Variants in ATP13A4 observed in about 807,000 individuals in gnomAD.
The protein encoded by ATP13A4 is ATPase 13A4.
In ATP13A4, 114 loss-of-function variants were observed where a neutral mutation model predicts 142.5. The observed-to-expected ratio is 0.80, with a 90% CI of 0.69 to 0.93. The LOEUF (loss-of-function observed/expected upper bound fraction) is 0.93. Ranked by LOEUF, ATP13A4 falls within the 40% of genes least tolerant of loss-of-function variation. ATP13A4 has a pLI of 0.00. For missense variants in ATP13A4, 1,392 were observed against 1,454.0 expected (o/e 0.96, Z 0.69); for synonymous variants, 488 against 514.8 (o/e 0.95, Z 0.70).
At chr3:193,412,548 CA>C (rs1244511317) in intron 26 of ATP13A4, among the ~76,000 whole-genome samples, 177 bp from the exon 27 acceptor site, 1 of 144,648 alleles carries the variant, frequency 6.9e-6, no homozygotes, top group Non-Finnish European at 1.5e-5. Flanking sequence ...CACACACACA[CA>C]CACACTGAAA....
At position 193,457,474 on chromosome 3, in the gene ATP13A4, C is replaced by A; in HGVS notation, c.1675-9G>T. Reference sequence around the variant, plus strand: ...CCAGAAAAAGCCATTTCCTATTTCACAAATAGGATATTTCATTGCAGAGAT... The same window carrying A: ...CCAGAAAAAGCCATTTCCTATTTCAAAAATAGGATATTTCATTGCAGAGAT... On this transcript the variant is annotated splice_polypyrimidine_tract_variant and intron_variant, in intron 14 of 29. Coordinates refer to ENST00000342695, the MANE Select transcript of ATP13A4 (RefSeq NM_032279.4). 1.2e-6 allele frequency: 2 copies of A among 1,606,168 alleles called. No individual in the cohort carries two copies. Among genetic ancestry groups the A allele is most frequent in the Middle Eastern group, 1.7e-4 (1 of 6,054 alleles).
chr3:193,568,120 C>G lies in ATP13A4; in HGVS notation n.291+13587G>C, dbSNP rs573080664. 2.0e-5 allele frequency among the ~76,000 whole-genome samples: 3 copies of G among 152,166 alleles called. No individual in the cohort carries two copies. The South Asian group carries it at 6.2e-4, about 32-fold the overall frequency. On this transcript the variant is annotated intron_variant and non_coding_transcript_variant, in intron 2 of 3. Coordinates refer to the ATP13A4 transcript ENST00000489140. Reference sequence around the variant, plus strand: ...GATTACAGGCACATGCCACCACACCCGGCTAATTTTTTGTATTTTTAGTAG... The same window carrying G: ...GATTACAGGCACATGCCACCACACCGGGCTAATTTTTTGTATTTTTAGTAG...
At chr3:193,417,658 A>C (rs1427529060) in intron 25 of ATP13A4, among the ~76,000 whole-genome samples, 1 of 152,228 alleles carries the variant, frequency 6.6e-6, no homozygotes, top group East Asian at 1.9e-4. Flanking sequence ...TGCTTTCAAC[A>C]GTGTGCTGGG....
intron 18 of ATP13A4, among the ~76,000 whole-genome samples, chr3:193,447,005 A>G (rs772944484): frequency 1.4e-4 from 21 of 152,358 alleles, no homozygotes; most frequent in Middle Eastern, 3.4e-3. Flanking sequence ...TAAGAAATCT[A>G]AGAGCACCCC....
intron 1 of ATP13A4, among the ~76,000 whole-genome samples, chr3:193,531,297 AGG>A (rs1560262167): frequency 4.4e-4 from 9 of 20,392 alleles, no homozygotes; most frequent in African/African-American, 2.4e-3. Context: ...GGAGGGAGGG[AGG>A]AAGGAAGGAA....
intron 11 of ATP13A4, 116 bp downstream of exon 11, chr3:193,465,909 C>A: frequency 7.7e-7 from 1 of 1,293,542 alleles, no homozygotes; most frequent in East Asian, 2.3e-5. Flanking sequence ...GGCATCAGTG[C>A]TTGGTTTTGT....
At chr3:193,521,319 A>G (rs761559594) in intron 1 of ATP13A4, among the ~76,000 whole-genome samples, 1 of 152,240 alleles carries the variant, frequency 6.6e-6, no homozygotes, top group Non-Finnish European at 1.5e-5. Flanking sequence ...GACAATTAAT[A>G]GGAAACACTT....
intron 1 of ATP13A4, among the ~76,000 whole-genome samples, chr3:193,518,997 A>G (rs983001489): frequency 4.6e-5 from 7 of 152,298 alleles, no homozygotes; most frequent in Admixed American, 4.6e-4. Context: ...TCTGGTGCTC[A>G]GAGGCAGGAA....
chr3:193,446,901 G>A (rs1052025796), intron 18 of ATP13A4, among the ~76,000 whole-genome samples: 1 of 152,100 alleles, frequency 6.6e-6, no homozygotes, highest in African/African-American at 2.4e-5. Context: ...CCTACATACA[G>A]ATCATTAAGA....
chr3:193,441,045 C>T (rs1716609040), intron 20 of ATP13A4, among the ~76,000 whole-genome samples: 1 of 151,924 alleles, frequency 6.6e-6, no homozygotes, highest in African/African-American at 2.4e-5. Flanking sequence ...AACTTACCTC[C>T]CCCGACTAAA....
At chr3:193,557,773 T>G (rs1723934329), upstream of ATP13A4, among the ~76,000 whole-genome samples, 1 of 152,234 alleles carries the variant, frequency 6.6e-6, no homozygotes, top group Admixed American at 6.5e-5. Context: ...CAGAAAAGCC[T>G]CTTTGTGAAG....
At chr3:193,583,101 A>G (rs1269337507) in intron 1 of ATP13A4, among the ~76,000 whole-genome samples, 2 of 150,792 alleles carry the variant, frequency 1.3e-5, no homozygotes, top group Non-Finnish European at 2.9e-5. Flanking sequence ...GCAGAATTGA[A>G]GGGCATAGTT....
chr3:193,449,344 G>A (rs1576974321), intron 17 of ATP13A4, among the ~76,000 whole-genome samples: 1 of 152,256 alleles, frequency 6.6e-6, no homozygotes, highest in African/African-American at 2.4e-5. Flanking sequence ...GCCTAACTCT[G>A]GCTGAAATAC....
At chr3:193,515,373 C>T (rs1275193146) in intron 1 of ATP13A4, among the ~76,000 whole-genome samples, 1 of 152,176 alleles carries the variant, frequency 6.6e-6, no homozygotes, top group African/African-American at 2.4e-5. Context: ...TGGCTGGGAT[C>T]AGCAGACACA....
intron 1 of ATP13A4, among the ~76,000 whole-genome samples, chr3:193,529,844 C>A (rs981677643): frequency 3.3e-5 from 5 of 152,068 alleles, no homozygotes; most frequent in Middle Eastern, 3.2e-3. Flanking sequence ...GGCTCTAAAC[C>A]AAACGAGATT....
intron 2 of ATP13A4, 123 bp from the exon 3 acceptor site, chr3:193,502,762 A>T: frequency 9.4e-7 from 1 of 1,059,768 alleles, no homozygotes; most frequent in Non-Finnish European, 1.4e-6. Context: ...TATTCTAGAC[A>T]GAACGGTTTG....
chr3:193,587,224 T>A (rs1386221975), intron 1 of ATP13A4, among the ~76,000 whole-genome samples: 1 of 152,234 alleles, frequency 6.6e-6, no homozygotes, highest in Non-Finnish European at 1.5e-5. Flanking sequence ...ATCAGAAGTC[T>A]TTAATCTGTA....
intron 26 of ATP13A4, among the ~76,000 whole-genome samples, chr3:193,413,671 A>T (rs1180349246): frequency 6.6e-6 from 1 of 152,080 alleles, no homozygotes; most frequent in Admixed American, 6.6e-5. Context: ...ACTGAAATAC[A>T]CCCTGATCTC....
intron 1 of ATP13A4, chr3:193,554,427 A>G (rs1723775410): frequency 4.5e-6 from 2 of 439,800 alleles, no homozygotes; most frequent in Non-Finnish European, 8.4e-6. Context: ...AACTGGCTAT[A>G]CCAATGAGGC....
Sources: gnomAD v4.1 joint callset for allele counts (sites outside exome capture counted in the v4.1 genomes callset) on GRCh38, gnomAD v4.1.1 for gene constraint, MANE v1.5 for transcripts, NCBI Gene and HGNC (gene_info 2026-07-23, HGNC 2026-07-21) for gene names.